Variants in PCDHGA1 observed in about 807,000 individuals in gnomAD.
The protein encoded by PCDHGA1 is protocadherin gamma-A1.
In PCDHGA1, 32 loss-of-function variants were observed where a neutral mutation model predicts 58.0. The ratio of observed to expected loss-of-function variants is 0.55; its 90% CI spans 0.42 to 0.74. The LOEUF (loss-of-function observed/expected upper bound fraction) is 0.74, where lower values mean the gene tolerates loss of function less well. Among genes scored for constraint, PCDHGA1 ranks in the 30% least tolerant of loss-of-function variants. The pLI is 0.00. For synonymous variants in PCDHGA1, 498 were observed against 501.1 expected, an observed-to-expected ratio of 0.99 and a Z score of 0.08; for missense variants, 1,205 against 1,182.3, an observed-to-expected ratio of 1.02 and a Z score of -0.28.
chr5:141,413,090 C>T, intron 1 of PCDHGA1: 1 of 1,391,312 alleles, frequency 7.2e-7, no homozygotes, highest in South Asian at 1.4e-5. Flanking sequence ...ACAGAGACAC[C>T]CTGAAGCCAC....
At chr5:141,394,226 C>CT (rs771492563) in intron 1 of PCDHGA1, 132 of 1,613,834 alleles carry the variant, frequency 8.2e-5, no homozygotes, top group Non-Finnish European at 1.1e-4. Context: ...GAGCCTCCAT[C>CT]TTTTCCTTGA....
In PCDHGA1 at chr5:141,490,654, C is replaced by A; in HGVS notation, c.2422-4153C>A. On this transcript the variant is annotated intron_variant, in intron 1 of 3. Transcript: ENST00000517417. The surrounding 1 kb of genome is among the most constrained non-coding windows in gnomAD (Gnocchi z 5.4). ...CCTAGAAAACCGGCCTCCGGGCTCC[C>A]TTCTTTGCACTGTGGCTGCCTCAGA... 6.2e-7 allele frequency: 1 copy of A among 1,614,206 alleles called. No individual in the cohort carries two copies. Among genetic ancestry groups the A allele is most frequent in the Non-Finnish European group, 8.5e-7 (1 of 1,180,014 alleles).
chr5:141,400,594 A>G (rs2150867049), intron 1 of PCDHGA1: 1 of 1,603,498 alleles, frequency 6.2e-7, no homozygotes, highest in Non-Finnish European at 8.5e-7. Context: ...AAACTATCGT[A>G]CATTTTCAAG....
Position 141,331,288 on chromosome 5 carries a change from A to G in PCDHGA1, c.604A>G (p.Arg202Gly), listed in dbSNP as rs370993897. Residue 202 changes from arginine to glycine, a missense_variant, in exon 1 of 4, where the codon AGA (arginine) becomes GGA (glycine). Arg to Gly is a moderately radical substitution (Grantham distance 125, BLOSUM62 -2). Transcript: ENST00000517417. Reference sequence around the variant, plus strand: ...GATGGTGCTGCAGAGTCCCTTAGACAGAGAAGAAGAAGCTGTCCACCACCT... The same window carrying G: ...GATGGTGCTGCAGAGTCCCTTAGACGGAGAAGAAGAAGCTGTCCACCACCT... The part of the protein sequence containing the change: ...PEMVLQSPLD[R>G]EEEAVHHLIL... 2 of 1,614,098 alleles carry G rather than the reference A, an allele frequency of 1.2e-6. No homozygotes were observed. Among genetic ancestry groups the G allele is most frequent in the Non-Finnish European group, 1.7e-6 (2 of 1,180,022 alleles).
Position 141,489,368 on chromosome 5 carries a change from C to T in PCDHGA1, c.2422-5439C>T, listed in dbSNP as rs889945954. The T allele has an allele frequency of 1.2e-5, 20 of 1,613,264 alleles. No homozygotes were observed. The highest frequency in any genetic ancestry group is 1.6e-5 in the Non-Finnish European group (19 of 1,179,484). On this transcript the variant is annotated intron_variant, in intron 1 of 3. Transcript: ENST00000517417. The surrounding 1 kb of genome is among the most constrained non-coding windows in gnomAD (Gnocchi z 4.5). The stretch of plus-strand genomic sequence containing the variant: ...GTGGTGGAGGAGTCTGAGCCGGGGA[C>T]GCTGGTGGGGAATGTTGCTCAGGAT...
intron 1 of PCDHGA1, chr5:141,404,780 AAGGCCAGTGAGCC>A: frequency 6.2e-7 from 1 of 1,612,764 alleles, no homozygotes; most frequent in Non-Finnish European, 8.5e-7. Context: ...CCGCCTATTC[AAGGCCAGTGAGCC>A]AGGGCTCTTC....
At chr5:141,377,295 G>A (rs2150107676) in intron 1 of PCDHGA1, 2 of 152,102 alleles carry the variant, frequency 1.3e-5, no homozygotes, top group Middle Eastern at 6.8e-3. Context: ...CTTAATTTAG[G>A]TCAGTGTTAA....
At chr5:141,427,156 T>G (rs533425641) in intron 1 of PCDHGA1, 10 of 456,890 alleles carry the variant, frequency 2.2e-5, no homozygotes, top group African/African-American at 2.0e-4. Flanking sequence ...AATATGTTTG[T>G]GCTAGACCAT....
intron 1 of PCDHGA1, chr5:141,433,104 A>G: frequency 6.2e-7 from 1 of 1,614,214 alleles, no homozygotes; most frequent in Non-Finnish European, 8.5e-7. Flanking sequence ...CTCGTCAGCC[A>G]GGAGAGCTTT....
chr5:141,421,243 C>T (rs201273667), intron 1 of PCDHGA1: 12 of 1,601,540 alleles, frequency 7.5e-6, no homozygotes, highest in Non-Finnish European at 1.0e-5. Flanking sequence ...GAATCGGCTA[C>T]AGCGCGGGGA....
rs1404533394 is a variant in PCDHGA1, at chr5:141,491,708, G to T, written c.2422-3099G>T. ...CTGCGGGAGCGGAGCCAGGTGAGGG[G>T]CTCGGCGCCGCCCCGGGCGACCCCT... On this transcript the variant is annotated intron_variant, in intron 1 of 3. Transcript: ENST00000517417. The surrounding 1 kb of genome is among the most constrained non-coding windows in gnomAD (Gnocchi z 6.9). 1 of 1,610,132 alleles carries T rather than the reference G, an allele frequency of 6.2e-7. No individual in the cohort carries two copies. Among genetic ancestry groups the T allele is most frequent in the Admixed American group, 1.7e-5 (1 of 59,518 alleles).
chr5:141,390,396 T>G, intron 1 of PCDHGA1: 2 of 1,374,352 alleles, frequency 1.5e-6, no homozygotes, highest in Admixed American at 2.2e-5. Context: ...ATGGATCATT[T>G]TAGGAAAGTT....
At chr5:141,384,391 G>C (rs759810331) in intron 1 of PCDHGA1, 24 of 1,613,920 alleles carry the variant, frequency 1.5e-5, no homozygotes, top group Non-Finnish European at 2.0e-5. Flanking sequence ...CACCATCCAG[G>C]GGGCTCCAGT....
chr5:141,465,454 T>G (rs1031876441), intron 1 of PCDHGA1, among the ~76,000 whole-genome samples: 1 of 152,184 alleles, frequency 6.6e-6, no homozygotes, highest in African/African-American at 2.4e-5. Context: ...AAGAAAACTC[T>G]CACCAAATTG....
At chr5:141,414,155 A>G in intron 1 of PCDHGA1, 1 of 1,601,706 alleles carries the variant, frequency 6.2e-7, no homozygotes, top group Non-Finnish European at 8.5e-7. Context: ...CAAGCAGAAG[A>G]TGGAGGAGCA....
At chr5:141,404,806 G>A (rs774487660) in intron 1 of PCDHGA1, 29 of 1,613,874 alleles carry the variant, frequency 1.8e-5, no homozygotes, top group South Asian at 1.3e-4. Context: ...GGCTCTTCTC[G>A]GTGGGGCTGC....
At chr5:141,404,882 G>T (rs1380203392) in intron 1 of PCDHGA1, 3 of 1,613,772 alleles carry the variant, frequency 1.9e-6, no homozygotes, top group Non-Finnish European at 2.5e-6. Context: ...GAGCCTTGTG[G>T]TGGCTGTACA....
In PCDHGA1 at chr5:141,476,477, G is replaced by T. The variant is rs768824553; in HGVS notation, c.2422-18330G>T. The T allele has an allele frequency of 1.9e-6, 3 of 1,614,078 alleles. No homozygotes were observed. The highest frequency in any genetic ancestry group is 1.7e-5 in the Admixed American group (1 of 60,016). Reference sequence around the variant, plus strand: ...GGAGAACCCGCTGGAGCTGTTCAGCGTGGAAGTGGTGATCCAGGACATCAA... The same window carrying T: ...GGAGAACCCGCTGGAGCTGTTCAGCTTGGAAGTGGTGATCCAGGACATCAA... On this transcript the variant is annotated intron_variant, in intron 1 of 3. Coordinates refer to ENST00000517417, the MANE Select transcript of PCDHGA1 (RefSeq NM_018912.3). This position sits in a 1 kb window ranked among gnomAD's most constrained non-coding sequence, Gnocchi z 7.6.
chr5:141,474,837 C>T (rs1250443544), intron 1 of PCDHGA1, among the ~76,000 whole-genome samples: 2 of 152,214 alleles, frequency 1.3e-5, no homozygotes, highest in Admixed American at 6.5e-5. Flanking sequence ...CTGTGCCAGG[C>T]ACTTTACCTG....
Sources: allele counts gnomAD v4.1 joint callset (sites outside exome capture counted in the v4.1 genomes callset), GRCh38; gene constraint gnomAD v4.1.1; non-coding constraint Gnocchi (gnomAD v3.1); transcripts MANE v1.5; gene names NCBI Gene and HGNC (gene_info 2026-07-23, HGNC 2026-07-21).